Variants in CYP2C18 observed in about 807,000 individuals in gnomAD.
CYP2C18 encodes the protein cytochrome P450 family 2 subfamily C member 18, also known as cytochrome P450 2C18.
In CYP2C18, 38 loss-of-function variants were observed where a neutral mutation model predicts 41.3. That is an observed-to-expected ratio of 0.92 (90% CI 0.71 to 1.21). CYP2C18 has a LOEUF of 1.21. Among genes scored for constraint, CYP2C18 ranks in the 50% most tolerant of loss-of-function variants. CYP2C18 has a pLI of 0.00. For missense variants in CYP2C18, 635 were observed against 591.4 expected (o/e 1.07, Z -0.77); for synonymous variants, 236 against 210.0 (o/e 1.12, Z -1.07).
intron 3 of CYP2C18, among the ~76,000 whole-genome samples, chr10:94,692,404 C>CA (rs201179475): frequency 0.64 from 72,518 of 112,636 alleles, 18,215 homozygotes; most frequent in South Asian, 0.72. Flanking sequence ...TTTATGCAGC[C>CA]AAAAACACAT....
At chr10:94,718,319 A>G (rs184441804) in intron 5 of CYP2C18, among the ~76,000 whole-genome samples, 3 of 152,186 alleles carry the variant, frequency 2.0e-5, no homozygotes, top group African/African-American at 7.2e-5. Flanking sequence ...TACTGAATTT[A>G]ATTATCAGTT....
At position 94,687,827 on chromosome 10, in the gene CYP2C18, G is replaced by T; in HGVS notation, c.226G>T (p.Val76Leu). 6.2e-7 allele frequency: 1 copy of T among 1,613,828 alleles called. No homozygotes were observed. Among genetic ancestry groups the T allele is most frequent in the Non-Finnish European group, 8.5e-7 (1 of 1,179,788 alleles). Residue 76 changes from valine to leucine, a missense_variant, in exon 2 of 9, where the codon GTG (valine) becomes TTG (leucine). Coordinates refer to ENST00000285979, the MANE Select transcript of CYP2C18 (RefSeq NM_000772.3). ...TVYFGLKPIV[V>L]LHGYEAVKEA... Reference sequence around the variant, plus strand: ...GTATTTTGGCCTGAAGCCCATTGTGGTGTTGCATGGATATGAAGCAGTGAA... The same window carrying T: ...GTATTTTGGCCTGAAGCCCATTGTGTTGTTGCATGGATATGAAGCAGTGAA...
Position 94,688,183 on chromosome 10 carries a change from T to G in CYP2C18, c.390T>G (p.Thr130=). The G allele has an allele frequency of 6.2e-7, 1 of 1,613,726 alleles. No individual in the cohort carries two copies. The highest frequency in any genetic ancestry group is 8.5e-7 in the Non-Finnish European group (1 of 1,179,804). The change falls in exon 3 of 9, where the codon ACT becomes ACG. Residue 130 remains threonine (T), a synonymous_variant. Coordinates refer to ENST00000285979, the MANE Select transcript of CYP2C18 (RefSeq NM_000772.3). ...AGATCCGGCGTTTCTGCCTCATGAC[T>G]CTGCGGAATTTTGGGATGGGGAAGA... ...WKEIRRFCLM[T]LRNFGMGKRS...
At chr10:94,699,828 C>G (rs986735300) in intron 4 of CYP2C18, among the ~76,000 whole-genome samples, 3 of 152,052 alleles carry the variant, frequency 2.0e-5, no homozygotes, top group Non-Finnish European at 2.9e-5. Flanking sequence ...TCTTATACAC[C>G]AATAACAGAG....
intron 6 of CYP2C18, among the ~76,000 whole-genome samples, chr10:94,723,792 A>T (rs932365191): frequency 6.6e-6 from 1 of 152,180 alleles, no homozygotes; most frequent in African/African-American, 2.4e-5. Flanking sequence ...AAATTAAAAA[A>T]TAAAAAGAGA....
At chr10:94,705,907 G>A (rs922461964) in intron 4 of CYP2C18, among the ~76,000 whole-genome samples, 1 of 152,152 alleles carries the variant, frequency 6.6e-6, no homozygotes, top group Non-Finnish European at 1.5e-5. Context: ...GTTTCTGGCA[G>A]TACTTTGGTG....
chr10:94,700,078 A>G (rs1004064101), intron 4 of CYP2C18, among the ~76,000 whole-genome samples: 3 of 152,194 alleles, frequency 2.0e-5, no homozygotes, highest in Non-Finnish European at 2.9e-5. Flanking sequence ...ATTCAATGTC[A>G]TTTCCATCAA....
intron 7 of CYP2C18, among the ~76,000 whole-genome samples, chr10:94,724,944 T>C (rs1357496172): frequency 2.0e-5 from 3 of 151,910 alleles, no homozygotes; most frequent in Non-Finnish European, 4.4e-5. Context: ...ATGATTATGC[T>C]CTTTATTTAT....
intron 1 of CYP2C18, among the ~76,000 whole-genome samples, chr10:94,686,020 T>G (rs543386803): frequency 1.3e-5 from 2 of 152,162 alleles, no homozygotes; most frequent in Admixed American, 1.3e-4. Context: ...TTCCAATCCA[T>G]GAACATGGGA....
chr10:94,721,510 A>AAT (rs1407368472), intron 6 of CYP2C18, among the ~76,000 whole-genome samples: 1 of 151,790 alleles, frequency 6.6e-6, no homozygotes, highest in African/African-American at 2.4e-5. Context: ...TGTGTTCATG[A>AAT]ATATATTCCC....
chr10:94,701,159 C>A (rs1398041136), intron 4 of CYP2C18, among the ~76,000 whole-genome samples: 1 of 152,170 alleles, frequency 6.6e-6, no homozygotes, highest in African/African-American at 2.4e-5. Context: ...ACTATAAAGA[C>A]ACATGCACAC....
At chr10:94,695,508 TC>T (rs1308783404) in intron 4 of CYP2C18, among the ~76,000 whole-genome samples, 1 of 152,162 alleles carries the variant, frequency 6.6e-6, no homozygotes, top group East Asian at 1.9e-4. Context: ...GGATTTTATT[TC>T]CCCTTCACTT....
intron 4 of CYP2C18, among the ~76,000 whole-genome samples, chr10:94,699,983 C>A (rs1233644518): frequency 6.6e-6 from 1 of 152,106 alleles, no homozygotes; most frequent in East Asian, 1.9e-4. Context: ...AAAGAGGACA[C>A]AAACAAATGG....
At chr10:94,693,101 C>T (rs913079803) in intron 3 of CYP2C18, among the ~76,000 whole-genome samples, 8 of 152,056 alleles carry the variant, frequency 5.3e-5, no homozygotes, top group African/African-American at 1.9e-4. Flanking sequence ...CAACATGGCA[C>T]ACGTATACAT....
chr10:94,713,359 G>A (rs1847475464), intron 5 of CYP2C18, among the ~76,000 whole-genome samples: 1 of 149,744 alleles, frequency 6.7e-6, no homozygotes, highest in South Asian at 2.1e-4. Context: ...AGTCCCCCGT[G>A]TGTGATGTTC....
rs1424704635 is a variant in CYP2C18 at position 94,687,844 on chromosome 10, A to G, written c.243A>G (p.Glu81=). The G allele has an allele frequency of 6.2e-7, 1 of 1,613,864 alleles. No individual in the cohort carries two copies. The highest frequency in any genetic ancestry group is 1.3e-5 in the African/African-American group (1 of 75,022). ...CCATTGTGGTGTTGCATGGATATGA[A>G]GCAGTGAAGGAGGCCCTGATTGATC... ...LKPIVVLHGY[E]AVKEALIDHG... is the part of the protein sequence containing the mutation. The change falls in exon 2 of 9, where the codon GAA becomes GAG. Residue 81 remains glutamate, a synonymous_variant. Transcript: ENST00000285979.
At chr10:94,719,130 T>C (rs956411531) in intron 5 of CYP2C18, among the ~76,000 whole-genome samples, 1 of 152,182 alleles carries the variant, frequency 6.6e-6, no homozygotes, top group African/African-American at 2.4e-5. Context: ...TATTCTGCAA[T>C]GTCCCTATTG....
chr10:94,724,945 C>G (rs114486840), intron 7 of CYP2C18, among the ~76,000 whole-genome samples: 1 of 151,676 alleles, frequency 6.6e-6, no homozygotes, highest in African/African-American at 2.4e-5. Context: ...TGATTATGCT[C>G]TTTATTTATT....
rs1423839650 is a variant in CYP2C18 at position 94,735,245 on chromosome 10, T to G, written c.1292-18T>G. The G allele has an allele frequency of 1.2e-6, 2 of 1,612,468 alleles. No homozygotes were observed. The highest frequency in any genetic ancestry group is 1.7e-6 in the Non-Finnish European group (2 of 1,178,916). The stretch of plus-strand genomic sequence containing the variant: ...CCTAATGTTCAAGGAACAAATCCCC[T>G]ATGTCTCTTATTTTCAGGAAAACGG... On this transcript the variant is annotated intron_variant, in intron 8 of 8. Coordinates refer to ENST00000285979, the MANE Select transcript of CYP2C18 (RefSeq NM_000772.3).
Sources: gnomAD v4.1 joint callset for allele counts (sites outside exome capture counted in the v4.1 genomes callset) on GRCh38, gnomAD v4.1.1 for gene constraint, MANE v1.5 for transcripts, NCBI Gene and HGNC (gene_info 2026-07-23, HGNC 2026-07-21) for gene names.